Variants in ABL2 observed in about 807,000 individuals in gnomAD.
ABL2 encodes the protein tyrosine-protein kinase ABL2.
Under a neutral mutation model 107.7 loss-of-function variants are expected in ABL2, and 49 were observed. The observed-to-expected ratio is 0.45, with a 90% confidence interval of 0.36 to 0.58. ABL2 has a LOEUF of 0.58. ABL2 is among the 20% of genes least tolerant of loss of function. The pLI, the probability that ABL2 is intolerant of heterozygous loss-of-function variation, is 0.00. For missense variants in ABL2, 1,245 were observed against 1,457.0 expected, an observed-to-expected ratio of 0.85 and a Z score of 2.37; for synonymous variants, 549 against 548.6, an observed-to-expected ratio of 1.00 and a Z score of -0.01.
At chr1:179,196,901 C>T (rs888580906) in intron 1 of ABL2, among the ~76,000 whole-genome samples, 2 of 151,498 alleles carry the variant, frequency 1.3e-5, no homozygotes, top group African/African-American at 4.8e-5. Flanking sequence ...GAGAATCAAA[C>T]AGAACCTGCA....
At chr1:179,109,844 C>T (rs1276313168) in intron 11 of ABL2, among the ~76,000 whole-genome samples, 7 of 151,192 alleles carry the variant, frequency 4.6e-5, no homozygotes, top group African/African-American at 1.7e-4. Context: ...AGGAGAATGG[C>T]GTGAACCCAG....
chr1:179,135,775 T>TG lies in ABL2; in HGVS notation c.158-2402dup, dbSNP rs1171302863. On this transcript the variant is annotated intron_variant, in intron 1 of 11. Coordinates refer to ENST00000502732, the MANE Select transcript of ABL2 (RefSeq NM_007314.4). The stretch of plus-strand genomic sequence containing the variant: ...CCAGCTGCCCCGTCCGGGAGGGAGG[T>TG]GGGGGGGTCAGCCCCCCGCCCGGCC... Among the ~76,000 whole-genome samples, 17 of 100,546 alleles carry TG rather than the reference T, an allele frequency of 1.7e-4. 1 individual carries two copies. In the South Asian group the frequency reaches 2.3e-3, roughly 13 times the overall value. 66.0% of individuals were successfully genotyped at this position (100,546 alleles called of 152,430 possible). A position where few individuals can be genotyped will look rare whatever the true frequency, so the allele number is the denominator to read the frequency against.
intron 1 of ABL2, among the ~76,000 whole-genome samples, chr1:179,185,152 T>C (rs1290729279): frequency 6.6e-6 from 1 of 152,136 alleles, no homozygotes; most frequent in Non-Finnish European, 1.5e-5. Flanking sequence ...GTCTACTTTC[T>C]CTTGTTTAAA....
intron 1 of ABL2, among the ~76,000 whole-genome samples, chr1:179,168,616 T>C (rs1201553497): frequency 6.6e-6 from 1 of 152,196 alleles, no homozygotes. Flanking sequence ...ACAGAGTAGA[T>C]AGCTATTTTC....
At chr1:179,154,180 C>G (rs1162429382) in intron 1 of ABL2, among the ~76,000 whole-genome samples, 1 of 152,168 alleles carries the variant, frequency 6.6e-6, no homozygotes, top group African/African-American at 2.4e-5. Context: ...GGCCAAAAAC[C>G]AACTGCCCAA....
chr1:179,225,656 CA>C (rs1663151960), intron 1 of ABL2, among the ~76,000 whole-genome samples: 1 of 152,086 alleles, frequency 6.6e-6, no homozygotes, highest in African/African-American at 2.4e-5. Context: ...GGGTAGAGTC[CA>C]GGGATGCTGC....
rs1653016343 is a variant in ABL2 at position 179,100,574 on chromosome 1, T to C, written c.*7144A>G. 1 of 229,216 alleles carries C rather than the reference T, an allele frequency of 4.4e-6. No homozygotes were observed. The highest frequency in any genetic ancestry group is 8.6e-6 in the Non-Finnish European group (1 of 115,622). 14.2% of individuals were successfully genotyped at this position (229,216 alleles called of 1,614,324 possible). A position where few individuals can be genotyped will look rare whatever the true frequency, so the allele number is the denominator to read the frequency against. On this transcript the variant is annotated 3_prime_UTR_variant, in exon 12 of 12. Coordinates refer to ENST00000502732, the MANE Select transcript of ABL2 (RefSeq NM_007314.4). ...GACTACACAAACTCCTTATGTTTCC[T>C]TTCATAAAGCCTGCTAGCATTCGAC...
chr1:179,100,519 C>G lies in ABL2; in HGVS notation c.*7199G>C. 4.4e-6 allele frequency: 1 copy of G among 228,688 alleles called. No homozygotes were observed. The highest frequency in any genetic ancestry group is 8.7e-6 in the Non-Finnish European group (1 of 115,226). 14.2% of individuals were successfully genotyped at this position (228,688 alleles called of 1,614,324 possible). Reference sequence around the variant, plus strand: ...ATTCTCCAACTAAAGTTTATGGTGCCTAATTCCGAAGCAAATTTAAGCAAG... The same window carrying G: ...ATTCTCCAACTAAAGTTTATGGTGCGTAATTCCGAAGCAAATTTAAGCAAG... On this transcript the variant is annotated 3_prime_UTR_variant, in exon 12 of 12. Coordinates refer to ENST00000502732, the MANE Select transcript of ABL2 (RefSeq NM_007314.4).
intron 1 of ABL2, among the ~76,000 whole-genome samples, chr1:179,228,941 T>C (rs2124886736): frequency 6.6e-6 from 1 of 152,250 alleles, no homozygotes; most frequent in African/African-American, 2.4e-5. Flanking sequence ...GAAGCTGCCA[T>C]TCACTTTCTT....
At chr1:179,214,731 T>C (rs369236986) in intron 1 of ABL2, among the ~76,000 whole-genome samples, 1 of 152,010 alleles carries the variant, frequency 6.6e-6, no homozygotes, top group African/African-American at 2.4e-5. Flanking sequence ...TTAAATATTC[T>C]TATAAACAAG....
intron 1 of ABL2, among the ~76,000 whole-genome samples, chr1:179,208,857 A>G (rs1662118347): frequency 6.6e-6 from 1 of 152,258 alleles, no homozygotes; most frequent in South Asian, 2.1e-4. Context: ...CCTTGTTCTG[A>G]AAACTGTTTT....
At chr1:179,180,044 T>C (rs1006317489) in intron 1 of ABL2, among the ~76,000 whole-genome samples, 2 of 151,162 alleles carry the variant, frequency 1.3e-5, no homozygotes, top group Middle Eastern at 3.2e-3. Flanking sequence ...CCTAGGGAGG[T>C]TGAGGCTGCA....
intron 1 of ABL2, chr1:179,221,472 T>C (rs1198303914): frequency 6.6e-6 from 1 of 152,298 alleles, no homozygotes; most frequent in Non-Finnish European, 1.5e-5. Flanking sequence ...GTGCCTGTAA[T>C]CCCAGCTACT....
intron 1 of ABL2, among the ~76,000 whole-genome samples, chr1:179,195,185 A>C (rs1373130776): frequency 6.6e-6 from 1 of 152,088 alleles, no homozygotes; most frequent in African/African-American, 2.4e-5. Flanking sequence ...CTACTCAAGA[A>C]GCTGAGGCAA....
intron 5 of ABL2, among the ~76,000 whole-genome samples, chr1:179,121,218 G>T (rs150498114): frequency 1.1e-4 from 17 of 152,340 alleles, no homozygotes; most frequent in African/African-American, 4.1e-4. Context: ...ACAAGAACAA[G>T]GGAGAGAAAG....
At chr1:179,176,017 G>A (rs555123026) in intron 1 of ABL2, among the ~76,000 whole-genome samples, 23 of 151,926 alleles carry the variant, frequency 1.5e-4, no homozygotes, top group South Asian at 4.2e-4. Flanking sequence ...CACCACGCCC[G>A]GCTAATTTTT....
chr1:179,214,633 G>A lies in ABL2; in HGVS notation c.157+14608C>T, dbSNP rs920310191. Among the ~76,000 whole-genome samples the A allele has an allele frequency of 3.4e-5, 5 of 148,570 alleles. 1 individual carries two copies. Among genetic ancestry groups the A allele is most frequent in the Middle Eastern group, 7.2e-3 (2 of 278 alleles). Reference sequence around the variant, plus strand: ...CAAATTAATACAATGGAAAAACATTGTTTGTTCCAAGCTCAAATATATATA... The same window carrying A: ...CAAATTAATACAATGGAAAAACATTATTTGTTCCAAGCTCAAATATATATA... On this transcript the variant is annotated intron_variant, in intron 1 of 11. Transcript: ENST00000502732.
chr1:179,132,640 C>G (rs1193056954), intron 2 of ABL2, among the ~76,000 whole-genome samples: 1 of 151,674 alleles, frequency 6.6e-6, no homozygotes, highest in Non-Finnish European at 1.5e-5. Flanking sequence ...CGAGTTCAAG[C>G]GTGATTCTCC....
intron 1 of ABL2, among the ~76,000 whole-genome samples, chr1:179,213,858 T>C (rs760888148): frequency 1.3e-5 from 2 of 152,064 alleles, no homozygotes; most frequent in South Asian, 2.1e-4. Context: ...GGCAGGAGGA[T>C]TGTTTGAGCC....
Sources: allele counts gnomAD v4.1 joint callset (sites outside exome capture counted in the v4.1 genomes callset), GRCh38; gene constraint gnomAD v4.1.1; transcripts MANE v1.5; gene names NCBI Gene and HGNC (gene_info 2026-07-23, HGNC 2026-07-21).